CHD7: variants seen among roughly 807,000 people sequenced by gnomAD.
The protein encoded by CHD7 is ATP-dependent chromatin remodeler CHD7.
Under a neutral mutation model 307.3 loss-of-function variants are expected in CHD7, and 24 were observed. The ratio of observed to expected loss-of-function variants is 0.08; its 90% CI spans 0.06 to 0.11. The LOEUF (loss-of-function observed/expected upper bound fraction) is 0.11. Among genes scored for constraint, CHD7 ranks in the 10% least tolerant of loss-of-function variants. The pLI is 1.00. For missense variants in CHD7, 3,106 were observed against 3,727.1 expected (o/e 0.83, Z 4.34); for synonymous variants, 1,363 against 1,349.9 (o/e 1.01, Z -0.21).
intron 1 of CHD7, among the ~76,000 whole-genome samples, chr8:60,684,018 G>A (rs1436319991): frequency 6.6e-6 from 1 of 151,986 alleles, no homozygotes; most frequent in Non-Finnish European, 1.5e-5. Context: ...ACCATAGCTA[G>A]ATTCCTGTTG....
chr8:60,831,956 G>C (rs994790514), intron 15 of CHD7, among the ~76,000 whole-genome samples: 1 of 152,042 alleles, frequency 6.6e-6, no homozygotes, highest in Admixed American at 6.6e-5. Context: ...GATAGTCTTA[G>C]AGTGTTGCAC....
chr8:60,737,885 G>T (rs950367929), intron 1 of CHD7, among the ~76,000 whole-genome samples: 7 of 152,174 alleles, frequency 4.6e-5, no homozygotes, highest in Admixed American at 4.6e-4. Context: ...GCTCCATGAG[G>T]ACAAGAGGGA....
chr8:60,721,800 A>G (rs1029921071), intron 1 of CHD7, among the ~76,000 whole-genome samples: 5 of 152,156 alleles, frequency 3.3e-5, no homozygotes, highest in Non-Finnish European at 7.4e-5. Flanking sequence ...TGAGGTAGGG[A>G]TAGTGGCTCT....
chr8:60,860,866 T>C, intron 34 of CHD7, 38 bp from the exon 35 acceptor site: 3 of 1,484,192 alleles, frequency 2.0e-6, no homozygotes, highest in Non-Finnish European at 2.8e-6. Context: ...AGGCTCTCTC[T>C]TCGTGTGAGA....
intron 1 of CHD7, among the ~76,000 whole-genome samples, chr8:60,726,482 GT>G (rs1808164691): frequency 6.6e-6 from 1 of 152,204 alleles, no homozygotes; most frequent in African/African-American, 2.4e-5. Flanking sequence ...AGATAACAAA[GT>G]TTATTTTAAC....
In CHD7 at chr8:60,842,006, G is replaced by T; in HGVS notation, c.4804G>T (p.Ala1602Ser). Residue 1602 changes from alanine to serine, a missense_variant, in exon 21 of 38, where the codon GCA becomes TCA. Transcript: ENST00000423902. ...RRPQDKSQGYARSECFRVEKN... is the reference protein window; with the variant it reads ...RRPQDKSQGYSRSECFRVEKN... Reference sequence around the variant, plus strand: ...TCCCCAGGATAAGTCACAGGGCTATGCAAGGAGTGAATGTTTCAGGGTGGA... The same window carrying T: ...TCCCCAGGATAAGTCACAGGGCTATTCAAGGAGTGAATGTTTCAGGGTGGA... 2 of 1,613,964 alleles carry T rather than the reference G, an allele frequency of 1.2e-6. No homozygotes were observed. Among genetic ancestry groups the T allele is most frequent in the Middle Eastern group, 3.3e-4 (2 of 6,062 alleles).
chr8:60,836,290 A>T lies in CHD7; in HGVS notation c.3989+7A>T. On this transcript the variant is annotated splice_region_variant and intron_variant, in intron 16 of 37. Transcript: ENST00000423902. ...ACTACCTCATTCAAAGACGGTGAGG[A>T]CCACCATATCAGAATAATAAAAAGG... 1 of 1,611,504 alleles carries T rather than the reference A, an allele frequency of 6.2e-7. No individual in the cohort carries two copies. The highest frequency in any genetic ancestry group is 1.1e-5 in the South Asian group (1 of 90,908).
At chr8:60,760,952 G>A (rs567685994) in intron 2 of CHD7, among the ~76,000 whole-genome samples, 1 of 152,248 alleles carries the variant, frequency 6.6e-6, no homozygotes, top group Non-Finnish European at 1.5e-5. Flanking sequence ...CAGGGATCTA[G>A]AACTAGAAAT....
At chr8:60,744,928 CCTAAGCTGGG>C (rs1809250949) in intron 2 of CHD7, among the ~76,000 whole-genome samples, 3 of 150,854 alleles carry the variant, frequency 2.0e-5, no homozygotes, top group African/African-American at 7.3e-5. Context: ...GAAGCTTCGT[CCTAAGCTGGG>C]CTGAGGGAGT....
intron 35 of CHD7, chr8:60,861,326 T>G: frequency 1.9e-6 from 1 of 528,416 alleles, no homozygotes; most frequent in East Asian, 3.0e-5. Context: ...GAAGGCAGCC[T>G]TACAGTTATT....
At chr8:60,681,863 C>T (rs1488415616) in intron 1 of CHD7, among the ~76,000 whole-genome samples, 1 of 151,820 alleles carries the variant, frequency 6.6e-6, no homozygotes, top group East Asian at 1.9e-4. Context: ...TATGCTTTCG[C>T]GATTGAAATG....
intron 2 of CHD7, among the ~76,000 whole-genome samples, chr8:60,764,672 T>C (rs553195078): frequency 6.6e-6 from 1 of 152,344 alleles, no homozygotes; most frequent in South Asian, 2.1e-4. Context: ...GCATTTACAA[T>C]GTGCTGGATG....
intron 1 of CHD7, among the ~76,000 whole-genome samples, chr8:60,711,537 T>C (rs1184419432): frequency 6.6e-6 from 1 of 152,222 alleles, no homozygotes; most frequent in Non-Finnish European, 1.5e-5. Context: ...ATGAAATCTT[T>C]CGTTATTTGA....
intron 2 of CHD7, among the ~76,000 whole-genome samples, chr8:60,759,493 C>CT: frequency 6.6e-6 from 1 of 150,540 alleles, no homozygotes; most frequent in South Asian, 2.1e-4. Flanking sequence ...CTCTCCCTCT[C>CT]CCTCTCCCTC....
chr8:60,803,642 T>C (rs1028013376), intron 6 of CHD7, among the ~76,000 whole-genome samples: 7 of 152,162 alleles, frequency 4.6e-5, no homozygotes, highest in Non-Finnish European at 8.8e-5. Flanking sequence ...AGAAGAGATG[T>C]GGAGCTCATG....
At chr8:60,848,418 G>T (rs1324797393) in intron 23 of CHD7, 97 bp from the exon 24 acceptor site, 21 of 777,868 alleles carry the variant, frequency 2.7e-5, no homozygotes, top group Admixed American at 4.4e-5. Flanking sequence ...ATCAGCCTTG[G>T]CAGGATGATG....
At chr8:60,702,743 C>T (rs1047407589) in intron 1 of CHD7, among the ~76,000 whole-genome samples, 15 of 152,228 alleles carry the variant, frequency 9.9e-5, no homozygotes, top group African/African-American at 3.6e-4. Flanking sequence ...ACAAACTACA[C>T]TGAAACTTGG....
At chr8:60,800,861 C>A (rs1187755956) in intron 5 of CHD7, among the ~76,000 whole-genome samples, 2 of 152,132 alleles carry the variant, frequency 1.3e-5, no homozygotes, top group Non-Finnish European at 2.9e-5. Context: ...CTTTAATAAA[C>A]CACTCAAGCT....
intron 2 of CHD7, among the ~76,000 whole-genome samples, chr8:60,768,838 A>T (rs1263753912): frequency 2.0e-5 from 3 of 152,182 alleles, no homozygotes; most frequent in African/African-American, 7.2e-5. Context: ...TACCATGAAA[A>T]AAAAAACCTG....
Sources: allele counts gnomAD v4.1 joint callset (sites outside exome capture counted in the v4.1 genomes callset), GRCh38; gene constraint gnomAD v4.1.1; transcripts MANE v1.5; gene names NCBI Gene and HGNC (gene_info 2026-07-23, HGNC 2026-07-21).